DYSF: variants seen among roughly 807,000 people sequenced by gnomAD.
DYSF encodes dystrophy-associated fer-1-like 1.
Under a neutral mutation model 274.9 loss-of-function variants are expected in DYSF, and 212 were observed. The ratio of observed to expected loss-of-function variants is 0.77; its 90% CI spans 0.69 to 0.86. The LOEUF (loss-of-function observed/expected upper bound fraction) is 0.86. Ranked by LOEUF, DYSF falls within the 40% of genes least tolerant of loss-of-function variation. DYSF has a pLI of 0.00. For missense variants in DYSF, 2,666 were observed against 2,783.2 expected, an observed-to-expected ratio of 0.96 and a Z score of 0.95; for synonymous variants, 1,091 against 1,078.7, an observed-to-expected ratio of 1.01 and a Z score of -0.22.
chr2:71,538,157 T>C (rs2089579959), intron 16 of DYSF, among the ~76,000 whole-genome samples: 1 of 152,254 alleles, frequency 6.6e-6, no homozygotes, highest in Non-Finnish European at 1.5e-5. Flanking sequence ...TGGGGCTAAT[T>C]GTAGTACCTA....
chr2:71,549,421 G>A, intron 17 of DYSF: 1 of 1,607,058 alleles, frequency 6.2e-7, no homozygotes, highest in Non-Finnish European at 8.5e-7. Flanking sequence ...GGGACAACCA[G>A]GGGAGTGGGG....
chr2:71,653,611 G>C (rs2094707409), intron 42 of DYSF, among the ~76,000 whole-genome samples: 1 of 140,138 alleles, frequency 7.1e-6, no homozygotes, highest in Non-Finnish European at 1.5e-5. Flanking sequence ...ATTGAACAAT[G>C]AGATCACATG....
At chr2:71,503,150 G>T (rs2085158307) in intron 3 of DYSF, 64 bp from the exon 4 acceptor site, 1 of 1,440,464 alleles carries the variant, frequency 6.9e-7, no homozygotes, top group Non-Finnish European at 9.8e-7. Flanking sequence ...GCAGTGAGGG[G>T]TCTGGCAGAA....
At chr2:71,480,634 T>A (rs916081610) in intron 1 of DYSF, among the ~76,000 whole-genome samples, 1 of 152,072 alleles carries the variant, frequency 6.6e-6, no homozygotes, top group African/African-American at 2.4e-5. Flanking sequence ...AACAAACTCA[T>A]TAAGGAGAGT....
At chr2:71,567,692 A>G (rs2092184459) in intron 24 of DYSF, among the ~76,000 whole-genome samples, 1 of 151,382 alleles carries the variant, frequency 6.6e-6, no homozygotes, top group Non-Finnish European at 1.5e-5. Context: ...TTCTCTGCAG[A>G]GCGCTCCTAG....
At chr2:71,509,061 G>A (rs2085800004) in intron 4 of DYSF, among the ~76,000 whole-genome samples, 1 of 151,998 alleles carries the variant, frequency 6.6e-6, no homozygotes, top group African/African-American at 2.4e-5. Flanking sequence ...TTACCATGTT[G>A]GCCAGGCTGG....
intron 39 of DYSF, among the ~76,000 whole-genome samples, chr2:71,613,018 T>C (rs969224611): frequency 7.2e-5 from 11 of 151,824 alleles, no homozygotes; most frequent in African/African-American, 2.7e-4. Context: ...CTGATACCCG[T>C]TGGAGCTGAG....
intron 45 of DYSF, among the ~76,000 whole-genome samples, chr2:71,661,068 G>T (rs1223536336): frequency 6.1e-5 from 8 of 131,476 alleles, no homozygotes; most frequent in African/African-American, 2.3e-4. Context: ...AGTGATCTGT[G>T]ATCAAACTAC....
At chr2:71,679,356 C>T in intron 53 of DYSF, 121 bp downstream of exon 53, 1 of 985,468 alleles carries the variant, frequency 1.0e-6, no homozygotes, top group South Asian at 1.6e-5. Context: ...CTCCCCCTCT[C>T]CTGCCCCCAT....
chr2:71,536,985 CA>C (rs2089409184), intron 16 of DYSF, among the ~76,000 whole-genome samples: 1 of 151,936 alleles, frequency 6.6e-6, no homozygotes. Context: ...ACAACAACAA[CA>C]AAAAAACCCC....
intron 17 of DYSF, among the ~76,000 whole-genome samples, chr2:71,548,366 G>C (rs2090646899): frequency 6.6e-6 from 1 of 152,196 alleles, no homozygotes; most frequent in Admixed American, 6.5e-5. Context: ...GTGTTTTCTG[G>C]AGGACAGCAA....
chr2:71,601,293 A>T lies in DYSF; in HGVS notation c.3898-206A>T, dbSNP rs2303604. The T allele has an allele frequency of 0.94, 638,274 of 680,328 alleles. 300,345 individuals are homozygous for T. Among genetic ancestry groups the T allele is most frequent in the African/African-American group, 0.99 (55,912 of 56,412 alleles). The allele number at this position is 680,328 out of a possible 1,614,324, so 42.1% of individuals were successfully genotyped here. On this transcript the variant is annotated intron_variant, in intron 34 of 55. Transcript: ENST00000410020. ...TCTTAGTATGATGTGAACCCGAATA[A>T]GTAGACTGAATAGGAGTAGGGCTGC... is the stretch of plus-strand genomic sequence containing the variant.
rs1399195955 is a variant in DYSF, at chr2:71,553,031, G to C, written c.1827G>C (p.Lys609Asn). The change falls in exon 20 of 56, where the codon AAG (lysine) becomes AAC (asparagine). Residue 609 changes from lysine to asparagine, a missense_variant. Around this residue, in one of 3 missense-constraint regions of DYSF, gnomAD observed 412 missense variants for 504.0 expected, o/e 0.82. Coordinates refer to ENST00000410020, the MANE Select transcript of DYSF (RefSeq NM_001130987.2). ...CTCAGAAGTACCTTAGGAGGCGCAA[G>C]TACTCCCTGTTTGCGGCCTTCTACT... ...LRVEKYLRRR[K>N]YSLFAAFYSA... 1 of 1,614,094 alleles carries C rather than the reference G, an allele frequency of 6.2e-7. No homozygotes were observed. Among genetic ancestry groups the C allele is most frequent in the African/African-American group, 1.3e-5 (1 of 74,940 alleles).
intron 14 of DYSF, among the ~76,000 whole-genome samples, chr2:71,534,377 T>C (rs995075680): frequency 3.3e-5 from 5 of 152,210 alleles, no homozygotes; most frequent in African/African-American, 9.7e-5. Flanking sequence ...GTGTTCCTTA[T>C]GGACTCCAAG....
chr2:71,560,591 C>A (rs1197975499), intron 22 of DYSF, among the ~76,000 whole-genome samples: 3 of 152,066 alleles, frequency 2.0e-5, no homozygotes, highest in Admixed American at 1.3e-4. Flanking sequence ...GCGTACTGCT[C>A]CCCCCATCCT....
At chr2:71,526,415 C>CTTGGGGGGGGGGGGT in intron 13 of DYSF, 69 bp downstream of exon 13, 1 of 411,246 alleles carries the variant, frequency 2.4e-6, no homozygotes, top group Non-Finnish European at 3.9e-6. Context: ...TGGGGGTGGG[C>CTTGGGGGGGGGGGGT]GATGGCGGGC....
intron 32 of DYSF, among the ~76,000 whole-genome samples, chr2:71,595,412 C>A (rs1045237804): frequency 6.6e-6 from 1 of 152,234 alleles, no homozygotes; most frequent in African/African-American, 2.4e-5. Context: ...CGATCATGGC[C>A]GAGCGACTTG....
chr2:71,539,468 A>G (rs532126277), intron 17 of DYSF, among the ~76,000 whole-genome samples: 1 of 152,328 alleles, frequency 6.6e-6, no homozygotes, highest in South Asian at 2.1e-4. Flanking sequence ...CACAAAGAGG[A>G]TAATTCACTC....
chr2:71,630,550 G>A (rs572687059), intron 41 of DYSF, among the ~76,000 whole-genome samples: 4 of 152,296 alleles, frequency 2.6e-5, no homozygotes, highest in African/African-American at 7.2e-5. Flanking sequence ...ATTTTCTCAC[G>A]GCTAGATGTG....
Sources: allele counts gnomAD v4.1 joint callset (sites outside exome capture counted in the v4.1 genomes callset), GRCh38; gene constraint gnomAD v4.1.1; regional missense constraint gnomAD v4.1.1; transcripts MANE v1.5; gene names NCBI Gene and HGNC (gene_info 2026-07-23, HGNC 2026-07-21).